POFUT3: variants seen among roughly 807,000 people sequenced by gnomAD.
The protein encoded by POFUT3 is protein O-fucosyltransferase 3, also known as GDP-fucose protein O-fucosyltransferase 3.
the POFUT3 span, among the ~76,000 whole-genome samples, chr8:33,414,904 C>G: frequency 6.6e-6 from 1 of 151,102 alleles, no homozygotes; most frequent in Non-Finnish European, 1.5e-5. Flanking sequence ...CTTCAATATG[C>G]GAGCTAAATG....
At chr8:33,436,575 T>C in the POFUT3 span, 2 of 902,438 alleles carry the variant, frequency 2.2e-6, no homozygotes, top group Middle Eastern at 2.2e-4. Flanking sequence ...TTCTGTCTTC[T>C]ATGTGCACAA....
At chr8:33,407,987 C>CAAAAAAAA in the POFUT3 span, among the ~76,000 whole-genome samples, 1 of 83,766 alleles carries the variant, frequency 1.2e-5, no homozygotes, top group Non-Finnish European at 2.5e-5. Context: ...GACTCCATCT[C>CAAAAAAAA]AAAAAAAAAA....
At chr8:33,470,045 G>T in the POFUT3 span, among the ~76,000 whole-genome samples, 2 of 150,944 alleles carry the variant, frequency 1.3e-5, no homozygotes, top group Non-Finnish European at 3.0e-5. Context: ...CACCTGCCTC[G>T]GCCTCCCAAA....
chr8:33,420,691 G>C, the POFUT3 span, among the ~76,000 whole-genome samples: 1 of 152,044 alleles, frequency 6.6e-6, no homozygotes, highest in South Asian at 2.1e-4. Context: ...ATATAAGTAT[G>C]ACAATTACAG....
the POFUT3 span, among the ~76,000 whole-genome samples, chr8:33,390,268 G>T: frequency 6.6e-6 from 1 of 152,072 alleles, no homozygotes; most frequent in African/African-American, 2.4e-5. Flanking sequence ...CTGGCAGTCA[G>T]TCACAAAGCT....
At chr8:33,408,638 C>T in the POFUT3 span, among the ~76,000 whole-genome samples, 2 of 152,106 alleles carry the variant, frequency 1.3e-5, no homozygotes, top group Admixed American at 6.6e-5. Flanking sequence ...ATTTTAGTCT[C>T]CTGATTGGAA....
the POFUT3 span, among the ~76,000 whole-genome samples, chr8:33,360,162 C>A: frequency 6.6e-5 from 10 of 151,960 alleles, no homozygotes; most frequent in Admixed American, 2.0e-4. Flanking sequence ...TATCAGTAAC[C>A]GGCCAGATGT....
the POFUT3 span, among the ~76,000 whole-genome samples, chr8:33,316,490 G>T: frequency 6.6e-6 from 1 of 151,928 alleles, no homozygotes; most frequent in Admixed American, 6.6e-5. Context: ...GGAGGCTGAG[G>T]CAGGTGGATC....
chr8:33,429,964 C>G, the POFUT3 span, among the ~76,000 whole-genome samples: 1 of 149,978 alleles, frequency 6.7e-6, no homozygotes, highest in Non-Finnish European at 1.5e-5. Flanking sequence ...CCATTGCACC[C>G]TAGCCTGGAT....
At chr8:33,433,091 G>A in the POFUT3 span, among the ~76,000 whole-genome samples, 5 of 151,718 alleles carry the variant, frequency 3.3e-5, no homozygotes, top group Admixed American at 1.3e-4. Flanking sequence ...AAAATTAGCC[G>A]GGCACGGTGG....
chr8:33,429,324 C>A, the POFUT3 span, among the ~76,000 whole-genome samples: 5 of 152,096 alleles, frequency 3.3e-5, no homozygotes, highest in African/African-American at 9.7e-5. Context: ...CCTCACATCA[C>A]CCCTCTCCCT....
At chr8:33,309,168 ATAT>A in the POFUT3 span, among the ~76,000 whole-genome samples, 97 of 40,670 alleles carry the variant, frequency 2.4e-3, 1 homozygote, top group South Asian at 3.8e-3. Context: ...AAAAAAAAAA[ATAT>A]ATATATATAT....
chr8:33,370,055 G>A, the POFUT3 span, among the ~76,000 whole-genome samples: 1 of 151,750 alleles, frequency 6.6e-6, no homozygotes, highest in Non-Finnish European at 1.5e-5. Flanking sequence ...TGAATGGCCA[G>A]GCGCAGTGGC....
the POFUT3 span, among the ~76,000 whole-genome samples, chr8:33,324,845 T>G: frequency 6.6e-6 from 1 of 151,996 alleles, no homozygotes; most frequent in African/African-American, 2.4e-5. Flanking sequence ...TCCAGTCACT[T>G]TCAAATTATT....
chr8:33,392,418 A>G, the POFUT3 span, among the ~76,000 whole-genome samples: 1 of 151,518 alleles, frequency 6.6e-6, no homozygotes, highest in Non-Finnish European at 1.5e-5. Flanking sequence ...TCTACTAAAA[A>G]TACAAAAATT....
At chr8:33,422,903 C>G in the POFUT3 span, among the ~76,000 whole-genome samples, 1 of 152,028 alleles carries the variant, frequency 6.6e-6, no homozygotes. Flanking sequence ...CCTCCGCCTC[C>G]CAGGCAGCCT....
chr8:33,442,911 C>A, the POFUT3 span, among the ~76,000 whole-genome samples: 1 of 152,102 alleles, frequency 6.6e-6, no homozygotes, highest in Non-Finnish European at 1.5e-5. Flanking sequence ...CTTTGGTGAG[C>A]CCCATAATGT....
chr8:33,432,407 C>CA, the POFUT3 span, among the ~76,000 whole-genome samples: 142 of 92,676 alleles, frequency 1.5e-3, no homozygotes, highest in Middle Eastern at 5.7e-3. Context: ...GACTCTGTCT[C>CA]AAAAAAAAAA....
At chr8:33,335,374 AC>A in the POFUT3 span, among the ~76,000 whole-genome samples, 1 of 152,176 alleles carries the variant, frequency 6.6e-6, no homozygotes, top group African/African-American at 2.4e-5. Flanking sequence ...ATGAATAAGT[AC>A]CTAATTAGCA....
Sources: allele counts gnomAD v4.1 joint callset (sites outside exome capture counted in the v4.1 genomes callset), GRCh38; gene constraint gnomAD v4.1.1; transcripts MANE v1.5; gene names NCBI Gene and HGNC (gene_info 2026-07-23, HGNC 2026-07-21).